Variants in PCDHA1 observed in about 807,000 individuals in gnomAD.
PCDHA1 encodes protocadherin alpha 1.
Under a neutral mutation model 61.3 loss-of-function variants are expected in PCDHA1, and 42 were observed. The ratio of observed to expected loss-of-function variants is 0.69; its 90% CI spans 0.54 to 0.89. The LOEUF is 0.89. PCDHA1 is among the 40% of genes least tolerant of loss of function. PCDHA1 has a pLI of 0.00. For missense variants in PCDHA1, 1,256 were observed against 1,235.3 expected (o/e 1.02, Z -0.25); for synonymous variants, 610 against 553.8 (o/e 1.10, Z -1.43).
intron 1 of PCDHA1, chr5:140,859,217 C>A (rs1409192343): frequency 1.3e-5 from 2 of 149,754 alleles, no homozygotes; most frequent in Non-Finnish European, 3.0e-5. Context: ...AGCTCTTTCA[C>A]TTTAAGGAAG....
In PCDHA1 at chr5:140,839,239, T is replaced by C. The variant is rs112328641; in HGVS notation, c.2394+50555T>C. Among the ~76,000 whole-genome samples the C allele has an allele frequency of 2.6e-3, 403 of 152,128 alleles. 5 individuals carry two copies. The highest frequency in any genetic ancestry group is 9.3e-3 in the African/African-American group (387 of 41,468). ...TGTAACTGTAATCTGTTTTTATTGCTTTGCTTTTATGCTTACATGCATGTA... is the reference window on the plus strand; with the variant it reads ...TGTAACTGTAATCTGTTTTTATTGCCTTGCTTTTATGCTTACATGCATGTA... On this transcript the variant is annotated intron_variant, in intron 1 of 3. Transcript: ENST00000504120.
chr5:140,788,332 G>T lies in PCDHA1; in HGVS notation c.2042G>T (p.Arg681Leu), dbSNP rs782747774. ...GGCCAGGCGCCAAAGGCGTCTTCGC[G>T]GGCGTCGGTGGGTGTCGCGGGCCCA... ...ESGQAPKASS[R>L]ASVGVAGPEA... is the part of the protein sequence containing the mutation. Residue 681 changes from arginine (R) to leucine (L), a missense_variant, in exon 1 of 4, where the codon CGG becomes CTG. Arg to Leu is a moderately radical substitution (Grantham distance 102, BLOSUM62 -2). Transcript: ENST00000504120. 1 of 1,613,934 alleles carries T rather than the reference G, an allele frequency of 6.2e-7. No individual in the cohort carries two copies. The highest frequency in any genetic ancestry group is 8.5e-7 in the Non-Finnish European group (1 of 1,179,940).
intron 1 of PCDHA1, chr5:140,854,783 A>C (rs1360368863): frequency 6.7e-6 from 1 of 149,694 alleles, no homozygotes; most frequent in East Asian, 1.9e-4. Flanking sequence ...GATTTCAAGA[A>C]CTTTGAGAGA....
intron 3 of PCDHA1, among the ~76,000 whole-genome samples, chr5:141,007,109 GA>G (rs1473367544): frequency 6.6e-6 from 1 of 152,138 alleles, no homozygotes; most frequent in Non-Finnish European, 1.5e-5. Flanking sequence ...CAAACCCAAG[GA>G]AGCTTCAACA....
intron 1 of PCDHA1, chr5:140,835,967 G>A (rs2150249249): frequency 2.5e-6 from 4 of 1,613,286 alleles, no homozygotes; most frequent in Admixed American, 1.7e-5. Context: ...ACGAGGAGCT[G>A]GAGCTGTTGC....
intron 1 of PCDHA1, chr5:140,969,220 G>A (rs2096308533): frequency 6.2e-7 from 1 of 1,614,084 alleles, no homozygotes; most frequent in African/African-American, 1.3e-5. Flanking sequence ...CAGGACCAGG[G>A]CCTTCGGGAG....
At chr5:140,887,241 C>T (rs1215011038) in intron 1 of PCDHA1, among the ~76,000 whole-genome samples, 2 of 151,912 alleles carry the variant, frequency 1.3e-5, no homozygotes, top group African/African-American at 2.4e-5. Flanking sequence ...AGACTACCGG[C>T]GCCCGCCACC....
At chr5:140,831,993 C>A (rs1438404433) in intron 1 of PCDHA1, among the ~76,000 whole-genome samples, 1 of 152,120 alleles carries the variant, frequency 6.6e-6, no homozygotes, top group East Asian at 1.9e-4. Flanking sequence ...TTACGGATTC[C>A]ATATTGTTTT....
intron 1 of PCDHA1, chr5:140,968,844 G>A: frequency 1.2e-6 from 2 of 1,614,210 alleles, no homozygotes; most frequent in African/African-American, 1.3e-5. Context: ...GACACTCAGA[G>A]GCATGTTAAG....
intron 1 of PCDHA1, among the ~76,000 whole-genome samples, chr5:140,892,414 C>G (rs2063506203): frequency 6.6e-6 from 1 of 152,124 alleles, no homozygotes; most frequent in Non-Finnish European, 1.5e-5. Context: ...TTCAGGTATT[C>G]TAGATAAAAC....
intron 1 of PCDHA1, among the ~76,000 whole-genome samples, chr5:140,871,887 G>T (rs1294459270): frequency 6.6e-6 from 1 of 152,170 alleles, no homozygotes; most frequent in Non-Finnish European, 1.5e-5. Flanking sequence ...GCTCCTCTTT[G>T]TCTTTTAGCA....
rs782212000 is a variant in PCDHA1, at chr5:140,802,477, C to T, written c.2394+13793C>T. ...TCGGCCTATGAGCTGGTGGTGACTGCTCGGGACGGGGGCTCGCCTTCACTG... is the reference window on the plus strand; with the variant it reads ...TCGGCCTATGAGCTGGTGGTGACTGTTCGGGACGGGGGCTCGCCTTCACTG... On this transcript the variant is annotated intron_variant, in intron 1 of 3. Coordinates refer to ENST00000504120, the MANE Select transcript of PCDHA1 (RefSeq NM_018900.4). The T allele has an allele frequency of 4.3e-6, 7 of 1,614,218 alleles. No individual in the cohort carries two copies. The Admixed American group carries it at 1.0e-4, about 23-fold the overall frequency.
At chr5:140,950,237 ATTTG>A (rs782102459) in intron 1 of PCDHA1, among the ~76,000 whole-genome samples, 1 of 151,954 alleles carries the variant, frequency 6.6e-6, no homozygotes, top group Non-Finnish European at 1.5e-5. Flanking sequence ...AGTGCCATTA[ATTTG>A]TTCCTAAAGA....
intron 1 of PCDHA1, chr5:140,834,961 G>A: frequency 6.6e-7 from 1 of 1,524,338 alleles, no homozygotes; most frequent in Non-Finnish European, 8.9e-7. Context: ...AAACCTCTTG[G>A]ACTTGTATTA....
chr5:140,796,181 C>T (rs782143302), intron 1 of PCDHA1: 6 of 1,614,202 alleles, frequency 3.7e-6, no homozygotes, highest in Admixed American at 1.7e-5. Context: ...AATTACTACT[C>T]GTTGGTGCTG....
In PCDHA1 at chr5:140,979,814, T is replaced by C. The variant is rs1296773498; in HGVS notation, c.2453+807T>C. 3.3e-5 allele frequency among the ~76,000 whole-genome samples: 5 copies of C among 152,232 alleles called. No homozygotes were observed. The South Asian group carries it at 8.3e-4, about 25-fold the overall frequency. On this transcript the variant is annotated intron_variant, in intron 2 of 3. Transcript: ENST00000504120. The stretch of plus-strand genomic sequence containing the variant: ...CAAATGATCACAACTATCAAAAGGA[T>C]TTAATTTTAAAGAAGAAATAATCTT...
chr5:140,967,100 G>A, intron 1 of PCDHA1: 1 of 1,613,092 alleles, frequency 6.2e-7, no homozygotes, highest in Non-Finnish European at 8.5e-7. Context: ...GGCGCTGTGT[G>A]AGCAGCGGCC....
At chr5:140,942,867 C>T (rs1023164811) in intron 1 of PCDHA1, among the ~76,000 whole-genome samples, 5 of 151,858 alleles carry the variant, frequency 3.3e-5, no homozygotes, top group Admixed American at 1.3e-4. Context: ...TTTGCTTTAG[C>T]ATGACAACTT....
At chr5:140,801,273 G>A in intron 1 of PCDHA1, 2 of 1,613,686 alleles carry the variant, frequency 1.2e-6, no homozygotes, top group Non-Finnish European at 1.7e-6. Context: ...AGCCTCGGAG[G>A]TGGGGAGCGG....
Sources: gnomAD v4.1 joint callset for allele counts (sites outside exome capture counted in the v4.1 genomes callset) on GRCh38, gnomAD v4.1.1 for gene constraint, MANE v1.5 for transcripts, NCBI Gene and HGNC (gene_info 2026-07-23, HGNC 2026-07-21) for gene names.